The following PTPRK variants were observed in gnomAD, a reference collection of about 807,000 sequenced individuals.
The protein encoded by PTPRK is protein tyrosine phosphatase receptor type K.
A neutral mutation model predicts 178.0 loss-of-function variants in PTPRK; 75 were observed. The observed-to-expected ratio is 0.42, with a 90% confidence interval of 0.35 to 0.51. The LOEUF (loss-of-function observed/expected upper bound fraction) is 0.51, where lower values mean the gene tolerates loss of function less well. Among genes scored for constraint, PTPRK ranks in the 20% least tolerant of loss-of-function variants. The pLI is 0.02. For missense variants in PTPRK, 1,441 were observed against 1,797.8 expected (o/e 0.80, Z 3.59); for synonymous variants, 637 against 620.6 (o/e 1.03, Z -0.39).
chr6:128,302,099 A>G (rs1017441532), intron 3 of PTPRK, among the ~76,000 whole-genome samples: 2 of 152,140 alleles, frequency 1.3e-5, no homozygotes, highest in Non-Finnish European at 2.9e-5. Flanking sequence ...ATAAAAAGCC[A>G]GGAAACGGGC....
At chr6:128,155,139 T>A (rs538598318) in intron 7 of PTPRK, among the ~76,000 whole-genome samples, 5 of 151,862 alleles carry the variant, frequency 3.3e-5, no homozygotes, top group African/African-American at 1.2e-4. Flanking sequence ...TGCTTAGTAT[T>A]ATTCACACAT....
intron 6 of PTPRK, among the ~76,000 whole-genome samples, chr6:128,205,986 C>A (rs1339809328): frequency 1.3e-5 from 2 of 151,712 alleles, no homozygotes; most frequent in African/African-American, 4.8e-5. Context: ...TAAACAGAAG[C>A]TTTATTTGCT....
At chr6:128,359,676 T>C (rs1238200797) in intron 2 of PTPRK, among the ~76,000 whole-genome samples, 1 of 151,818 alleles carries the variant, frequency 6.6e-6, no homozygotes, top group Admixed American at 6.6e-5. Flanking sequence ...CGCTTGAACC[T>C]AGGAGGCAGA....
chr6:128,000,230 A>G (rs770031439), intron 15 of PTPRK: 17 of 1,147,522 alleles, frequency 1.5e-5, no homozygotes, highest in East Asian at 1.2e-4. Flanking sequence ...ACAGATAAAC[A>G]TATTTCAAGT....
At chr6:127,985,652 A>G in intron 22 of PTPRK, 69 bp downstream of exon 22, 1 of 1,450,906 alleles carries the variant, frequency 6.9e-7, no homozygotes, top group Non-Finnish European at 9.3e-7. Flanking sequence ...TTTGTGCTCA[A>G]AAGCCTTGTC....
At chr6:128,339,442 T>C (rs949770927) in intron 2 of PTPRK, among the ~76,000 whole-genome samples, 2 of 152,180 alleles carry the variant, frequency 1.3e-5, no homozygotes, top group Admixed American at 1.3e-4. Flanking sequence ...TCTACTAATG[T>C]ATTTTTCCCA....
At chr6:128,049,085 C>T (rs1028874230) in intron 13 of PTPRK, among the ~76,000 whole-genome samples, 2 of 151,898 alleles carry the variant, frequency 1.3e-5, no homozygotes, top group Non-Finnish European at 2.9e-5. Context: ...TAAAAAAAAC[C>T]TCTTTCACCA....
chr6:128,019,436 G>A (rs1214533005), intron 13 of PTPRK, among the ~76,000 whole-genome samples: 1 of 151,892 alleles, frequency 6.6e-6, no homozygotes, highest in Non-Finnish European at 1.5e-5. Flanking sequence ...ACATAAATTG[G>A]CAGTCAGTCA....
At chr6:128,397,725 G>A (rs1394420489) in intron 1 of PTPRK, 37 bp from the exon 2 acceptor site, 2 of 1,601,118 alleles carry the variant, frequency 1.2e-6, no homozygotes, top group South Asian at 1.1e-5. Flanking sequence ...ATTCTAAACA[G>A]ATTTTCCAAA....
intron 3 of PTPRK, among the ~76,000 whole-genome samples, chr6:128,300,115 GA>G: frequency 6.6e-6 from 1 of 152,214 alleles, no homozygotes; most frequent in Non-Finnish European, 1.5e-5. Flanking sequence ...AAAAACACGT[GA>G]AAAAATGCTC....
chr6:128,089,879 T>C lies in PTPRK; in HGVS notation c.1276A>G (p.Thr426Ala). 6.2e-7 allele frequency: 1 copy of C among 1,613,930 alleles called. No homozygotes were observed. The highest frequency in any genetic ancestry group is 2.2e-5 in the East Asian group (1 of 44,882). Reference sequence around the variant, plus strand: ...CCACGGAAGTAATGGTAGCAGATAGTGACATTAAAAGTGTGGCAACGCGTA... The same window carrying C: ...CCACGGAAGTAATGGTAGCAGATAGCGACATTAAAAGTGTGGCAACGCGTA... ...NITRCHTFNVTICYHYFRGHN... is the reference protein window; with the variant it reads ...NITRCHTFNVAICYHYFRGHN... The change falls in exon 8 of 30, where the codon ACT (threonine) becomes GCT (alanine). Residue 426 changes from threonine to alanine, a missense_variant. Physicochemically the swap from Thr to Ala is moderately conservative, Grantham distance 58. Around this residue, in one of 4 missense-constraint regions of PTPRK, gnomAD observed 945 missense variants for 1,080.6 expected, o/e 0.87. Coordinates refer to ENST00000368226, the MANE Select transcript of PTPRK (RefSeq NM_002844.4).
intron 3 of PTPRK, among the ~76,000 whole-genome samples, chr6:128,268,932 A>G (rs920475604): frequency 5.9e-5 from 9 of 152,040 alleles, no homozygotes; most frequent in Non-Finnish European, 1.0e-4. Flanking sequence ...TAAATATTCT[A>G]TTGAGAGATA....
At chr6:128,206,996 G>T (rs1454331864) in intron 6 of PTPRK, among the ~76,000 whole-genome samples, 2 of 152,094 alleles carry the variant, frequency 1.3e-5, no homozygotes, top group Non-Finnish European at 1.5e-5. Context: ...TATGCTACTT[G>T]CTTCCTTCAC....
chr6:128,327,983 G>A (rs1353830956), intron 2 of PTPRK, among the ~76,000 whole-genome samples: 1 of 152,168 alleles, frequency 6.6e-6, no homozygotes, highest in African/African-American at 2.4e-5. Flanking sequence ...CCCTGCAGCA[G>A]AGTGGCATGA....
rs147756071 is a variant in PTPRK at position 128,402,578 on chromosome 6, C to T, written c.101-4890G>A. Among the ~76,000 whole-genome samples, 733 of 152,230 alleles carry T rather than the reference C, an allele frequency of 4.8e-3. 1 individual carries two copies. Among genetic ancestry groups the T allele is most frequent in the Middle Eastern group, 0.02 (6 of 294 alleles). ...GAAATTAATGCTTTTAAATAAAGTTCCTATTTCCTCTGAAATATACTGGGA... is the reference window on the plus strand; with the variant it reads ...GAAATTAATGCTTTTAAATAAAGTTTCTATTTCCTCTGAAATATACTGGGA... On this transcript the variant is annotated intron_variant, in intron 1 of 29. Coordinates refer to ENST00000368226, the MANE Select transcript of PTPRK (RefSeq NM_002844.4).
intron 13 of PTPRK, among the ~76,000 whole-genome samples, chr6:128,042,792 A>T: frequency 6.6e-6 from 1 of 152,172 alleles, no homozygotes; most frequent in Middle Eastern, 3.4e-3. Flanking sequence ...ATGATTACAA[A>T]TAACTTATCT....
chr6:128,177,174 A>G (rs1324990625), intron 7 of PTPRK, among the ~76,000 whole-genome samples: 1 of 151,786 alleles, frequency 6.6e-6, no homozygotes, highest in Non-Finnish European at 1.5e-5. Flanking sequence ...TGACTAACAC[A>G]TCCCTTAGAG....
At chr6:128,477,183 C>A (rs1476580851) in intron 1 of PTPRK, among the ~76,000 whole-genome samples, 2 of 152,018 alleles carry the variant, frequency 1.3e-5, no homozygotes, top group African/African-American at 4.8e-5. Context: ...CTAACAAATT[C>A]TATTAAAGAA....
At position 128,212,566 on chromosome 6, in the gene PTPRK, T is replaced by C. The variant is rs140559850; in HGVS notation, c.868+6356A>G. On this transcript the variant is annotated intron_variant, in intron 6 of 29. Transcript: ENST00000368226. ...AGAGAATTGAAACTTAGAAAACGTG[T>C]ACAGGCCTACTGTCAACAATCTGAA... Among the ~76,000 whole-genome samples, 27 of 152,216 alleles carry C rather than the reference T, an allele frequency of 1.8e-4. No homozygotes were observed. The East Asian group carries it at 4.8e-3, about 27-fold the overall frequency.
Sources: allele counts gnomAD v4.1 joint callset (sites outside exome capture counted in the v4.1 genomes callset), GRCh38; gene constraint gnomAD v4.1.1; regional missense constraint gnomAD v4.1.1; transcripts MANE v1.5; gene names NCBI Gene and HGNC (gene_info 2026-07-23, HGNC 2026-07-21).